OXR1: variants seen among roughly 807,000 people sequenced by gnomAD.
The protein encoded by OXR1 is oxidation resistance 1, also known as oxidation resistance protein 1.
Under a neutral mutation model 104.6 loss-of-function variants are expected in OXR1, and 41 were observed. The ratio of observed to expected loss-of-function variants is 0.39; its 90% CI spans 0.31 to 0.51. The LOEUF (loss-of-function observed/expected upper bound fraction) is 0.51. Ranked by LOEUF, OXR1 falls within the 20% of genes least tolerant of loss-of-function variation. The pLI, the probability that OXR1 is intolerant of heterozygous loss-of-function variation, is 0.77. For missense variants in OXR1, 955 were observed against 1,031.9 expected (o/e 0.93, Z 1.02); for synonymous variants, 348 against 348.4 (o/e 1.00, Z 0.01).
intron 1 of OXR1, among the ~76,000 whole-genome samples, chr8:106,286,878 A>T (rs1343973058): frequency 1.3e-5 from 2 of 152,214 alleles, no homozygotes; most frequent in Non-Finnish European, 2.9e-5. Flanking sequence ...AGTAAAAATA[A>T]TAAAAGACAA....
chr8:106,327,285 C>A (rs2130205090), intron 1 of OXR1, among the ~76,000 whole-genome samples: 1 of 152,166 alleles, frequency 6.6e-6, no homozygotes, highest in East Asian at 1.9e-4. Flanking sequence ...ATAGTTTGAA[C>A]CAAGAAAAAG....
intron 2 of OXR1, among the ~76,000 whole-genome samples, chr8:106,491,458 C>T (rs1811081725): frequency 6.6e-6 from 1 of 152,186 alleles, no homozygotes; most frequent in East Asian, 1.9e-4. Context: ...TTTAACTAAT[C>T]TGAAATAGAA....
At chr8:106,542,938 G>T (rs562668054) in intron 3 of OXR1, among the ~76,000 whole-genome samples, 4 of 152,086 alleles carry the variant, frequency 2.6e-5, no homozygotes, top group Non-Finnish European at 5.9e-5. Context: ...AGAGTTGAGG[G>T]TATGCTATAT....
At position 106,740,509 on chromosome 8, in the gene OXR1, A is replaced by C; in HGVS notation, c.2316+14A>C. The stretch of plus-strand genomic sequence containing the variant: ...AGTGATGGACAGGTATGAAACACCA[A>C]CTGCATAGATTGCTTATCCTTTAAG... On this transcript the variant is annotated intron_variant, in intron 14 of 16. Transcript: ENST00000517566. 1 of 1,600,598 alleles carries C rather than the reference A, an allele frequency of 6.2e-7. No homozygotes were observed.
chr8:106,462,969 C>A (rs1031577189), intron 2 of OXR1, among the ~76,000 whole-genome samples: 1 of 152,090 alleles, frequency 6.6e-6, no homozygotes, highest in Non-Finnish European at 1.5e-5. Flanking sequence ...CTTTATTACA[C>A]CTCATTGTTT....
At chr8:106,493,052 T>A (rs2510830) in intron 2 of OXR1, among the ~76,000 whole-genome samples, 16,944 of 152,162 alleles carry the variant, frequency 0.11, 1,048 homozygotes, top group African/African-American at 0.16. Flanking sequence ...GACTTTTTTT[T>A]AAAAAAATTG....
chr8:106,299,282 C>G (rs1190847990), intron 1 of OXR1, among the ~76,000 whole-genome samples: 1 of 151,906 alleles, frequency 6.6e-6, no homozygotes, highest in Non-Finnish European at 1.5e-5. Context: ...TTAAGAGCTT[C>G]TGCTCACATG....
At chr8:106,649,765 C>T (rs933740489) in intron 3 of OXR1, among the ~76,000 whole-genome samples, 2 of 152,020 alleles carry the variant, frequency 1.3e-5, no homozygotes, top group Non-Finnish European at 2.9e-5. Context: ...GGCGCGGTCT[C>T]GGCTCACTGC....
chr8:106,348,956 T>G (rs890865023), intron 1 of OXR1, among the ~76,000 whole-genome samples: 12 of 152,206 alleles, frequency 7.9e-5, no homozygotes, highest in African/African-American at 2.9e-4. Flanking sequence ...ATGTAAGTGC[T>G]TTCCCTTAAT....
At chr8:106,320,679 TG>T (rs11350435) in intron 1 of OXR1, among the ~76,000 whole-genome samples, 48,617 of 150,756 alleles carry the variant, frequency 0.32, 10,556 homozygotes, top group African/African-American at 0.62. Flanking sequence ...CTTCTTTTTT[TG>T]GGGGGGGCGG....
intron 2 of OXR1, among the ~76,000 whole-genome samples, chr8:106,425,528 A>T (rs1461556672): frequency 6.6e-6 from 1 of 152,194 alleles, no homozygotes; most frequent in African/African-American, 2.4e-5. Context: ...AGAACCAGGG[A>T]TCAGTAAGTC....
At chr8:106,606,484 G>A (rs866909878) in intron 3 of OXR1, among the ~76,000 whole-genome samples, 1 of 80,854 alleles carries the variant, frequency 1.2e-5, no homozygotes, top group Non-Finnish European at 2.5e-5. Context: ...TTTTTTTTTT[G>A]TATTTTTACT....
chr8:106,304,360 CA>C (rs1043001835), intron 1 of OXR1, among the ~76,000 whole-genome samples: 4 of 152,056 alleles, frequency 2.6e-5, no homozygotes, highest in Admixed American at 6.5e-5. Context: ...CAGCTATTCT[CA>C]AAAAATGTTG....
intron 2 of OXR1, among the ~76,000 whole-genome samples, chr8:106,488,699 G>GT: frequency 7.0e-6 from 1 of 142,952 alleles, no homozygotes; most frequent in Middle Eastern, 3.4e-3. Context: ...CCCATTGCTT[G>GT]TTTTTCTCAG....
At chr8:106,694,920 T>C (rs1483874475) in intron 7 of OXR1, among the ~76,000 whole-genome samples, 3 of 125,136 alleles carry the variant, frequency 2.4e-5, no homozygotes, top group South Asian at 4.6e-4. Flanking sequence ...TACATATTTA[T>C]ATATATTTAT....
intron 2 of OXR1, among the ~76,000 whole-genome samples, chr8:106,391,430 TG>T (rs1227681833): frequency 1.3e-5 from 2 of 152,200 alleles, no homozygotes; most frequent in Non-Finnish European, 2.9e-5. Flanking sequence ...AAATGATGCC[TG>T]TGTTCCATGA....
Position 106,739,540 on chromosome 8 carries a change from T to C in OXR1, c.2120T>C (p.Leu707Pro). The change falls in exon 13 of 17, where the codon CTA becomes CCA. Residue 707 changes from leucine (L) to proline (P), a missense_variant. This residue lies in a region of OXR1 where 849 missense variants were observed against 852.9 expected (regional missense o/e 1.00). Coordinates refer to ENST00000517566, the MANE Select transcript of OXR1 (RefSeq NM_001198533.2). ...GAGTCTGAATCTTTTCGACCAAACC[T>C]AAGTGATCCCAGTGAACTTTTACTG... Reference protein sequence around the residue: ...DLESESFRPNLSDPSELLLPD... With the variant: ...DLESESFRPNPSDPSELLLPD... 6.2e-7 allele frequency: 1 copy of C among 1,613,502 alleles called. No homozygotes were observed. The highest frequency in any genetic ancestry group is 8.5e-7 in the Non-Finnish European group (1 of 1,179,646).
chr8:106,738,926 G>A (rs1048741382), intron 12 of OXR1, among the ~76,000 whole-genome samples: 4 of 151,980 alleles, frequency 2.6e-5, no homozygotes, highest in Admixed American at 1.3e-4. Context: ...ACGTTTGTCA[G>A]TGAAACAAAT....
intron 2 of OXR1, among the ~76,000 whole-genome samples, chr8:106,453,615 G>T (rs1820442529): frequency 6.6e-6 from 1 of 151,960 alleles, no homozygotes; most frequent in African/African-American, 2.4e-5. Context: ...TCTCCTATAT[G>T]CCACTGCTAG....
Sources: gnomAD v4.1 joint callset for allele counts (sites outside exome capture counted in the v4.1 genomes callset) on GRCh38, gnomAD v4.1.1 for gene constraint, gnomAD v4.1.1 regional missense constraint, MANE v1.5 for transcripts, NCBI Gene and HGNC (gene_info 2026-07-23, HGNC 2026-07-21) for gene names.